The following CCDC91 variants were observed in gnomAD, a reference collection of about 807,000 sequenced individuals.
The protein encoded by CCDC91 is coiled-coil domain-containing protein 91.
A neutral mutation model predicts 63.2 loss-of-function variants in CCDC91; 48 were observed. That is an observed-to-expected ratio of 0.76 (90% CI 0.60 to 0.97). The LOEUF is 0.97. Ranked by LOEUF, CCDC91 falls within the 50% of genes least tolerant of loss-of-function variation. The probability of loss-of-function intolerance (pLI) is 0.00; values close to 1 mark genes in which losing one functional copy is unlikely to be tolerated. For missense variants in CCDC91, 500 were observed against 494.6 expected (o/e 1.01, Z -0.10); for synonymous variants, 167 against 165.8 (o/e 1.01, Z -0.06).
chr12:28,499,789 G>A (rs911043684), intron 12 of CCDC91, among the ~76,000 whole-genome samples: 24 of 152,174 alleles, frequency 1.6e-4, no homozygotes, highest in African/African-American at 5.5e-4. Flanking sequence ...ATTGTGAATA[G>A]TGCTGCAGTC....
intron 8 of CCDC91, among the ~76,000 whole-genome samples, chr12:28,439,839 G>A (rs1047257053): frequency 2.7e-5 from 4 of 150,312 alleles, no homozygotes; most frequent in Non-Finnish European, 5.9e-5. Context: ...TTCCAAAGGA[G>A]GGGAAAACAA....
chr12:28,329,999 T>C (rs1335685948), intron 6 of CCDC91, among the ~76,000 whole-genome samples: 1 of 152,242 alleles, frequency 6.6e-6, no homozygotes, highest in Admixed American at 6.5e-5. Context: ...CCACATTTTC[T>C]TAATCCAGTG....
chr12:28,377,655 A>G (rs1945032760), intron 7 of CCDC91, among the ~76,000 whole-genome samples: 1 of 152,002 alleles, frequency 6.6e-6, no homozygotes, highest in African/African-American at 2.4e-5. Context: ...TCATCTTCTC[A>G]AACTCTAGGG....
chr12:28,355,701 C>A (rs1392407769), intron 6 of CCDC91, among the ~76,000 whole-genome samples: 1 of 152,038 alleles, frequency 6.6e-6, no homozygotes, highest in Non-Finnish European at 1.5e-5. Flanking sequence ...ATTGTGAGGT[C>A]CTTTGCATAC....
chr12:28,197,627 G>A (rs1378930988), intron 1 of CCDC91, among the ~76,000 whole-genome samples: 3 of 152,018 alleles, frequency 2.0e-5, no homozygotes, highest in Non-Finnish European at 4.4e-5. Context: ...TCCTGAATCT[G>A]TGCTTTTATT....
At chr12:28,435,081 T>A (rs1381387808) in intron 8 of CCDC91, among the ~76,000 whole-genome samples, 1 of 151,712 alleles carries the variant, frequency 6.6e-6, no homozygotes. Context: ...AAAAACCAAA[T>A]AACCAGCTTT....
intron 12 of CCDC91, among the ~76,000 whole-genome samples, chr12:28,502,261 A>G (rs1420371881): frequency 6.6e-6 from 1 of 151,982 alleles, no homozygotes; most frequent in Admixed American, 6.6e-5. Context: ...AATGTACAAA[A>G]ATCACAAGCA....
intron 1 of CCDC91, among the ~76,000 whole-genome samples, chr12:28,200,792 C>A (rs1942179430): frequency 1.3e-5 from 2 of 151,830 alleles, no homozygotes; most frequent in African/African-American, 4.8e-5. Context: ...CTGTTGGGTA[C>A]ACCTCCCAGA....
At chr12:28,205,107 T>A (rs1476081219) in intron 1 of CCDC91, among the ~76,000 whole-genome samples, 2 of 152,044 alleles carry the variant, frequency 1.3e-5, no homozygotes, top group African/African-American at 4.8e-5. Flanking sequence ...TTCATAATGG[T>A]GAAGAGGAAA....
chr12:28,491,964 T>G (rs185092393), intron 12 of CCDC91, among the ~76,000 whole-genome samples: 47 of 148,308 alleles, frequency 3.2e-4, no homozygotes, highest in African/African-American at 7.6e-4. Flanking sequence ...GGTGTTGGGG[T>G]GTGTGTGTGT....
rs769310261 is a variant in CCDC91, at chr12:28,307,648, G to T, written c.475G>T (p.Val159Leu). ...TGTATTTGTATTTTTATTTTAGGATGTGGAATCATTGATGGAAAAGCATAA... is the reference window on the plus strand; with the variant it reads ...TGTATTTGTATTTTTATTTTAGGATTTGGAATCATTGATGGAAAAGCATAA... ...EEEKQRIKQD[V>L]ESLMEKHNVL... is the part of the protein sequence containing the mutation. The change falls in exon 6 of 13, where the codon GTG becomes TTG. Residue 159 changes from valine (V) to leucine (L), a missense_variant. Physicochemically the swap from Val to Leu is conservative, Grantham distance 32. Coordinates refer to ENST00000536442, the MANE Select transcript of CCDC91 (RefSeq NM_018318.5). 2 of 1,479,468 alleles carry T rather than the reference G, an allele frequency of 1.4e-6. No homozygotes were observed. The highest frequency in any genetic ancestry group is 1.8e-6 in the Non-Finnish European group (2 of 1,083,332). The allele number at this position is 1,479,468 out of a possible 1,614,324, so 91.6% of individuals were successfully genotyped here.
chr12:28,331,655 G>T (rs1224903760), intron 6 of CCDC91, among the ~76,000 whole-genome samples: 1 of 152,126 alleles, frequency 6.6e-6, no homozygotes, highest in Non-Finnish European at 1.5e-5. Context: ...TTTTTGTGCA[G>T]TTATATTAGC....
At chr12:28,457,225 A>C (rs973042955) in intron 11 of CCDC91, among the ~76,000 whole-genome samples, 1 of 151,874 alleles carries the variant, frequency 6.6e-6, no homozygotes, top group Admixed American at 6.6e-5. Flanking sequence ...TCTGTCTTTT[A>C]GGTGTTTGGC....
At chr12:28,320,692 A>G (rs1444319596) in intron 6 of CCDC91, among the ~76,000 whole-genome samples, 1 of 151,948 alleles carries the variant, frequency 6.6e-6, no homozygotes, top group Non-Finnish European at 1.5e-5. Context: ...CCAGACAGTT[A>G]ACATATAAAA....
At chr12:28,543,840 A>G (rs1424695353) in intron 12 of CCDC91, among the ~76,000 whole-genome samples, 1 of 151,974 alleles carries the variant, frequency 6.6e-6, no homozygotes, top group Non-Finnish European at 1.5e-5. Flanking sequence ...GGACACTATT[A>G]TTCAAAGAAT....
intron 1 of CCDC91, among the ~76,000 whole-genome samples, chr12:28,207,308 A>G (rs1942928097): frequency 6.6e-6 from 1 of 152,160 alleles, no homozygotes; most frequent in Admixed American, 6.6e-5. Flanking sequence ...GTACAGTTCC[A>G]AGAGTGTGGA....
At chr12:28,281,582 T>C (rs527884398) in intron 3 of CCDC91, among the ~76,000 whole-genome samples, 5 of 152,328 alleles carry the variant, frequency 3.3e-5, no homozygotes, top group African/African-American at 1.2e-4. Flanking sequence ...CTTATCCAAG[T>C]TGACATTTCA....
chr12:28,423,690 G>A (rs570441269), intron 8 of CCDC91, among the ~76,000 whole-genome samples: 3 of 152,158 alleles, frequency 2.0e-5, no homozygotes, highest in East Asian at 3.9e-4. Flanking sequence ...CATCAGGAGA[G>A]GATTTGGAGG....
At chr12:28,379,401 A>T (rs1185590349) in intron 7 of CCDC91, among the ~76,000 whole-genome samples, 1 of 151,050 alleles carries the variant, frequency 6.6e-6, no homozygotes, top group Admixed American at 6.6e-5. Context: ...CAGTCTACCC[A>T]TCTGACAAAG....
Sources: gnomAD v4.1 joint callset for allele counts (sites outside exome capture counted in the v4.1 genomes callset) on GRCh38, gnomAD v4.1.1 for gene constraint, MANE v1.5 for transcripts, NCBI Gene and HGNC (gene_info 2026-07-23, HGNC 2026-07-21) for gene names.